The following GPC5 variants were observed in gnomAD, a reference collection of about 807,000 sequenced individuals.
GPC5 encodes the protein glypican-5.
In GPC5, 47 loss-of-function variants were observed where a neutral mutation model predicts 53.9. That is an observed-to-expected ratio of 0.87 (90% CI 0.69 to 1.11). The LOEUF is 1.11. GPC5 is among the 50% of genes most tolerant of loss of function. The probability of loss-of-function intolerance (pLI) is 0.00; values close to 1 mark genes in which losing one functional copy is unlikely to be tolerated. For missense variants in GPC5, 748 were observed against 713.1 expected (o/e 1.05, Z -0.56); for synonymous variants, 286 against 263.3 (o/e 1.09, Z -0.84).
chr13:92,194,850 G>A (rs939361614), intron 7 of GPC5, among the ~76,000 whole-genome samples: 2 of 152,192 alleles, frequency 1.3e-5, no homozygotes, highest in Non-Finnish European at 2.9e-5. Flanking sequence ...AAGGTAGAGT[G>A]AGAAGGAAAG....
intron 7 of GPC5, among the ~76,000 whole-genome samples, chr13:92,543,785 A>AAT (rs1477434525): frequency 9.9e-5 from 15 of 152,066 alleles, no homozygotes; most frequent in Non-Finnish European, 2.9e-5. Flanking sequence ...TTTTCAATAT[A>AAT]TTTGAACTCT....
At chr13:91,473,856 A>G (rs889338688) in intron 2 of GPC5, among the ~76,000 whole-genome samples, 2 of 152,160 alleles carry the variant, frequency 1.3e-5, no homozygotes, top group African/African-American at 4.8e-5. Flanking sequence ...CTAAGCTATC[A>G]ATTTTATAGA....
chr13:91,593,921 A>G (rs2139180612), intron 2 of GPC5, among the ~76,000 whole-genome samples: 1 of 152,328 alleles, frequency 6.6e-6, no homozygotes, highest in Middle Eastern at 3.4e-3. Context: ...TAAAAAAAAA[A>G]AAAAAGAATG....
chr13:92,319,345 G>A lies in GPC5; in HGVS notation c.1561+174356G>A, dbSNP rs1167085676. On this transcript the variant is annotated intron_variant, in intron 7 of 7. Transcript: ENST00000377067. ...TATAAAAACATCAGGAATCTTAACT[G>A]TGAGCTTTGTTACAATTTGGGGCCA... 2.0e-5 allele frequency among the ~76,000 whole-genome samples: 3 copies of A among 147,490 alleles called. No homozygotes were observed. The East Asian group carries it at 5.9e-4, about 29-fold the overall frequency.
At chr13:92,013,792 T>C (rs1324215156) in intron 6 of GPC5, among the ~76,000 whole-genome samples, 2 of 152,172 alleles carry the variant, frequency 1.3e-5, no homozygotes, top group African/African-American at 2.4e-5. Context: ...TTTATCTGAT[T>C]TTAACTTTAA....
intron 2 of GPC5, among the ~76,000 whole-genome samples, chr13:91,490,729 G>A (rs546424098): frequency 1.8e-4 from 28 of 152,194 alleles, no homozygotes; most frequent in Non-Finnish European, 3.5e-4. Flanking sequence ...GTCCAGCCCA[G>A]AGAGAAAAAG....
chr13:91,551,886 C>T (rs1219494028), intron 2 of GPC5, among the ~76,000 whole-genome samples: 1 of 151,940 alleles, frequency 6.6e-6, no homozygotes, highest in Non-Finnish European at 1.5e-5. Context: ...TATATTGAGG[C>T]AGGCTATTGA....
chr13:92,456,020 A>T (rs1238738752), intron 7 of GPC5, among the ~76,000 whole-genome samples: 1 of 152,232 alleles, frequency 6.6e-6, no homozygotes, highest in Non-Finnish European at 1.5e-5. Context: ...ATGCTAACAC[A>T]TTTTTCTTTT....
intron 1 of GPC5, among the ~76,000 whole-genome samples, chr13:91,428,731 G>T (rs1043105139): frequency 6.7e-6 from 1 of 150,372 alleles, no homozygotes; most frequent in Admixed American, 6.6e-5. Flanking sequence ...AATTTGAAAG[G>T]AATTTTTTTT....
chr13:92,583,773 C>T (rs1883443788), intron 7 of GPC5, among the ~76,000 whole-genome samples: 1 of 152,192 alleles, frequency 6.6e-6, no homozygotes, highest in Non-Finnish European at 1.5e-5. Context: ...CAAATCTCAT[C>T]TTGAATTCCC....
chr13:92,725,842 A>G (rs1037565447), intron 7 of GPC5, among the ~76,000 whole-genome samples: 1 of 151,590 alleles, frequency 6.6e-6, no homozygotes. Flanking sequence ...CTCCTAATAT[A>G]ACCTGAAAGT....
intron 5 of GPC5, among the ~76,000 whole-genome samples, chr13:91,885,612 C>T (rs1280909407): frequency 6.6e-6 from 1 of 152,194 alleles, no homozygotes; most frequent in African/African-American, 2.4e-5. Context: ...ATTAGTTCAT[C>T]TCTTTCTTTG....
In GPC5 at chr13:92,866,288, C is replaced by G. The variant is rs1027683947; in HGVS notation, c.1568C>G (p.Pro523Arg). The G allele has an allele frequency of 3.7e-6, 6 of 1,608,856 alleles. No individual in the cohort carries two copies. The highest frequency in any genetic ancestry group is 1.1e-5 in the South Asian group (1 of 90,596). The change falls in exon 8 of 8, where the codon CCA becomes CGA. Residue 523 changes from proline (P) to arginine (R), a missense_variant. By Grantham distance (103) the Pro-to-Arg change is moderately radical. Transcript: ENST00000377067. ...KRTLKITDWM[P>R]DDMNFSDVKQ... ...TTCTTATTTGCCTCTACAGGGATGC[C>G]AGATGATATGAACTTCAGTGATGTA...
chr13:92,061,790 T>C (rs2041126306), intron 6 of GPC5, among the ~76,000 whole-genome samples: 1 of 151,928 alleles, frequency 6.6e-6, no homozygotes, highest in Non-Finnish European at 1.5e-5. Flanking sequence ...TAGGATCCAT[T>C]ACTAAAACTG....
intron 2 of GPC5, among the ~76,000 whole-genome samples, chr13:91,518,963 T>C (rs1055939776): frequency 3.9e-5 from 6 of 152,224 alleles, no homozygotes; most frequent in African/African-American, 1.4e-4. Flanking sequence ...CTCTTCCCAC[T>C]GTGCCATGTC....
intron 7 of GPC5, among the ~76,000 whole-genome samples, chr13:92,782,727 A>AAGAT (rs1156457442): frequency 6.6e-6 from 1 of 152,216 alleles, no homozygotes; most frequent in Admixed American, 6.5e-5. Flanking sequence ...TACTGCACCC[A>AAGAT]AGATATAAAG....
chr13:92,540,992 C>G lies in GPC5; in HGVS notation c.1562-325290C>G, dbSNP rs543241129. Among the ~76,000 whole-genome samples the G allele has an allele frequency of 7.2e-5, 11 of 151,822 alleles. No homozygotes were observed. In the East Asian group the frequency reaches 2.1e-3, roughly 29 times the overall value. ...GAGAATTACATAAACACTCATAGAA[C>G]TCATAGATTCCCATATTGGATATAA... On this transcript the variant is annotated intron_variant, in intron 7 of 7. Coordinates refer to ENST00000377067, the MANE Select transcript of GPC5 (RefSeq NM_004466.6).
chr13:91,885,358 GT>G (rs955191683), intron 5 of GPC5, among the ~76,000 whole-genome samples: 3 of 152,058 alleles, frequency 2.0e-5, no homozygotes, highest in South Asian at 2.1e-4. Context: ...TTTTAAGGAA[GT>G]TTTTTTTCTT....
At chr13:91,520,261 G>A (rs1269891529) in intron 2 of GPC5, among the ~76,000 whole-genome samples, 1 of 152,162 alleles carries the variant, frequency 6.6e-6, no homozygotes, top group African/African-American at 2.4e-5. Context: ...TAGATAAATT[G>A]CTTTCATAAA....
Sources: allele counts gnomAD v4.1 joint callset (sites outside exome capture counted in the v4.1 genomes callset), GRCh38; gene constraint gnomAD v4.1.1; transcripts MANE v1.5; gene names NCBI Gene and HGNC (gene_info 2026-07-23, HGNC 2026-07-21).